WDR33: variants seen among roughly 807,000 people sequenced by gnomAD.
The protein encoded by WDR33 is pre-mRNA 3' end processing protein WDR33.
A neutral mutation model predicts 164.9 loss-of-function variants in WDR33; 47 were observed. That is an observed-to-expected ratio of 0.29 (90% CI 0.23 to 0.36). WDR33 has a LOEUF of 0.36. Ranked by LOEUF, WDR33 falls within the 10% of genes least tolerant of loss-of-function variation. The pLI is 1.00. For synonymous variants in WDR33, 505 were observed against 589.0 expected, an observed-to-expected ratio of 0.86 and a Z score of 2.06; for missense variants, 1,137 against 1,754.1, an observed-to-expected ratio of 0.65 and a Z score of 6.28.
At chr2:127,711,373 C>T (rs183229410) in intron 18 of WDR33, among the ~76,000 whole-genome samples, 1,671 of 145,536 alleles carry the variant, frequency 0.011, 13 homozygotes, top group Non-Finnish European at 0.016. Flanking sequence ...TGCAGTGAGC[C>T]GAGATCATGC....
chr2:127,763,232 A>G lies in WDR33; in HGVS notation c.627-73T>C. On this transcript the variant is annotated intron_variant, in intron 6 of 21. Coordinates refer to ENST00000322313, the MANE Select transcript of WDR33 (RefSeq NM_018383.5). This position sits in a 1 kb window ranked among gnomAD's most constrained non-coding sequence, Gnocchi z 4.5. ...GATAATCTGTGCTTCTCAGACAGGG[A>G]AAAATAAAAACACTGTGCTGCATTA... 1 of 1,608,580 alleles carries G rather than the reference A, an allele frequency of 6.2e-7. No individual in the cohort carries two copies. Among genetic ancestry groups the G allele is most frequent in the Middle Eastern group, 1.7e-4 (1 of 6,036 alleles).
chr2:127,742,699 C>T (rs1182849559), intron 7 of WDR33, among the ~76,000 whole-genome samples: 4 of 150,642 alleles, frequency 2.7e-5, no homozygotes, highest in Non-Finnish European at 5.9e-5. Flanking sequence ...CAGCTCCAAA[C>T]AGCCCAACAG....
chr2:127,706,159 A>G lies in WDR33; in HGVS notation c.*164T>C. 1 of 522,226 alleles carries G rather than the reference A, an allele frequency of 1.9e-6. No homozygotes were observed. The allele number at this position is 522,226 out of a possible 1,614,324, so 32.3% of individuals were successfully genotyped here. On this transcript the variant is annotated 3_prime_UTR_variant, in exon 22 of 22. Coordinates refer to ENST00000322313, the MANE Select transcript of WDR33 (RefSeq NM_018383.5). The surrounding 1 kb of genome is among the most constrained non-coding windows in gnomAD (Gnocchi z 5.1). ...GCCAGCCAGGCTGGTAGCTGGCAGC[A>G]GTCTCTTCATCTTGAAGACCTCATT... is the stretch of plus-strand genomic sequence containing the variant.
chr2:127,744,481 C>T (rs538602259), intron 7 of WDR33, among the ~76,000 whole-genome samples: 2 of 152,082 alleles, frequency 1.3e-5, no homozygotes, highest in East Asian at 1.9e-4. Context: ...AAAGAATATA[C>T]GTAGTATAAT....
rs530614781 is a variant in WDR33 at position 127,707,642 on chromosome 2, G to A, written c.3781+1035C>T. ...TGTTTATGCAGGGTGATCTATTGAT[G>A]ATACATAAGGTAATTTCTGAGGGTT... On this transcript the variant is annotated intron_variant, in intron 21 of 21. Coordinates refer to ENST00000322313, the MANE Select transcript of WDR33 (RefSeq NM_018383.5). 2.6e-5 allele frequency among the ~76,000 whole-genome samples: 4 copies of A among 152,310 alleles called. No homozygotes were observed. The East Asian group carries it at 7.7e-4, about 29-fold the overall frequency.
In WDR33 at chr2:127,735,458, C is replaced by T; in HGVS notation, c.725-8681G>A. On this transcript the variant is annotated intron_variant, in intron 7 of 21. Coordinates refer to ENST00000322313, the MANE Select transcript of WDR33 (RefSeq NM_018383.5). This position sits in a 1 kb window ranked among gnomAD's most constrained non-coding sequence, Gnocchi z 4.3. Reference sequence around the variant, plus strand: ...CCCATTTTATTTTTCCTGGATCAGACCATTTTATGAACAAATCTTAAAAAA... The same window carrying T: ...CCCATTTTATTTTTCCTGGATCAGATCATTTTATGAACAAATCTTAAAAAA... The T allele has an allele frequency of 1.2e-5, 12 of 984,794 alleles. No homozygotes were observed. The highest frequency in any genetic ancestry group is 1.4e-5 in the Non-Finnish European group (12 of 829,110). 61.0% of individuals were successfully genotyped at this position (984,794 alleles called of 1,614,324 possible).
At chr2:127,750,180 ACACC>A (rs1189102658) in intron 7 of WDR33, among the ~76,000 whole-genome samples, 1 of 152,060 alleles carries the variant, frequency 6.6e-6, no homozygotes, top group East Asian at 2.0e-4. Context: ...ACACGCCACC[ACACC>A]CAGTTAACTT....
chr2:127,725,864 A>C (rs962607621), intron 8 of WDR33, among the ~76,000 whole-genome samples: 5 of 152,176 alleles, frequency 3.3e-5, no homozygotes, highest in Non-Finnish European at 7.3e-5. Flanking sequence ...TATTCAATAA[A>C]GCTCATTACA....
At chr2:127,773,673 C>T (rs576400521) in intron 1 of WDR33, among the ~76,000 whole-genome samples, 3 of 152,312 alleles carry the variant, frequency 2.0e-5, no homozygotes, top group East Asian at 3.9e-4. Flanking sequence ...TCAGTTATTC[C>T]ATGAATCCAA....
In WDR33 at chr2:127,717,980, C is replaced by T. The variant is rs1686337687; in HGVS notation, c.2761-717G>A. ...TAAATAATATTATACACACATACAACTGAGCAGTAAATTAATAAAATATAT... is the reference window on the plus strand; with the variant it reads ...TAAATAATATTATACACACATACAATTGAGCAGTAAATTAATAAAATATAT... On this transcript the variant is annotated intron_variant, in intron 16 of 21. Coordinates refer to ENST00000322313, the MANE Select transcript of WDR33 (RefSeq NM_018383.5). This position sits in a 1 kb window ranked among gnomAD's most constrained non-coding sequence, Gnocchi z 5.6. 6.6e-6 allele frequency among the ~76,000 whole-genome samples: 1 copy of T among 152,046 alleles called. No individual in the cohort carries two copies. The highest frequency in any genetic ancestry group is 2.4e-5 in the African/African-American group (1 of 41,390).
intron 7 of WDR33, among the ~76,000 whole-genome samples, chr2:127,727,322 C>T (rs972535426): frequency 6.6e-6 from 1 of 152,156 alleles, no homozygotes; most frequent in Non-Finnish European, 1.5e-5. Flanking sequence ...GCTTGATTCG[C>T]ACATGTTGTG....
chr2:127,726,287 A>G lies in WDR33; in HGVS notation c.851+364T>C, dbSNP rs1189274808. ...ACCCTCTCGAAACAGATGTTGTGAG[A>G]TGGAGAAGGCTGGGCCGTGTCTAGT... is the stretch of plus-strand genomic sequence containing the variant. On this transcript the variant is annotated intron_variant, in intron 8 of 21. Transcript: ENST00000322313. The surrounding 1 kb of genome is among the most constrained non-coding windows in gnomAD (Gnocchi z 4.8). Among the ~76,000 whole-genome samples the G allele has an allele frequency of 6.6e-6, 1 of 152,214 alleles. No homozygotes were observed. Among genetic ancestry groups the G allele is most frequent in the Non-Finnish European group, 1.5e-5 (1 of 68,026 alleles).
chr2:127,750,698 A>ATC (rs1558936919), intron 7 of WDR33, among the ~76,000 whole-genome samples: 1 of 60,308 alleles, frequency 1.7e-5, no homozygotes, highest in African/African-American at 9.8e-5. Context: ...ATATATATAT[A>ATC]TATATATATA....
At chr2:127,742,487 G>A (rs1005023096) in intron 7 of WDR33, among the ~76,000 whole-genome samples, 69 of 143,404 alleles carry the variant, frequency 4.8e-4, no homozygotes, top group African/African-American at 1.5e-3. Flanking sequence ...TGATTGCACC[G>A]CTGCACTCCA....
At position 127,722,660 on chromosome 2, in the gene WDR33, T is replaced by C. The variant is rs774862163; in HGVS notation, c.1449A>G (p.Gln483=). ...TCTGAGGTACTTTTTTCTGATCCTT[T>C]TGCATCACTTCCTCCATTCCCCAAT... ...GLDWGMEEVM[Q]KDQKKVPQKK... The change falls in exon 14 of 22, where the codon CAA becomes CAG. Residue 483 remains glutamine, a synonymous_variant. Transcript: ENST00000322313. The surrounding 1 kb of genome is among the most constrained non-coding windows in gnomAD (Gnocchi z 5.1). 1.2e-6 allele frequency: 2 copies of C among 1,614,180 alleles called. No homozygotes were observed. The highest frequency in any genetic ancestry group is 2.2e-5 in the South Asian group (2 of 91,074).
At chr2:127,736,040 G>C in intron 7 of WDR33, 5 of 985,502 alleles carry the variant, frequency 5.1e-6, no homozygotes, top group Non-Finnish European at 6.0e-6. Context: ...GGGTCCGGCA[G>C]TCAGGTAAGT....
chr2:127,720,249 A>G lies in WDR33; in HGVS notation c.1776T>C (p.Gly592=), dbSNP rs769312514. 1 of 1,570,180 alleles carries G rather than the reference A, an allele frequency of 6.4e-7. No homozygotes were observed. The highest frequency in any genetic ancestry group is 8.6e-7 in the Non-Finnish European group (1 of 1,157,514). Residue 592 remains glycine, a synonymous_variant, in exon 16 of 22, where the codon GGT becomes GGC. Transcript: ENST00000322313. This position sits in a 1 kb window ranked among gnomAD's most constrained non-coding sequence, Gnocchi z 5.9. ...AACCTTGAGGAATCTGAGACATTGG[A>G]CCTTGTCCTGGAAAAGGCTGGGGTC... ...LLGPQPFPGQ[G]PMSQIPQGFQ...
In WDR33 at chr2:127,702,009, C is replaced by T; in HGVS notation, c.*4314G>A. ...GCTGGGCGCCACGCTGTTCGCCGCG[C>T]TGGGCCTTCGCAGCACGCTGCTCAC... On this transcript the variant is annotated 3_prime_UTR_variant, in exon 22 of 22. Transcript: ENST00000322313. The T allele has an allele frequency of 1.5e-6, 2 of 1,309,448 alleles. No individual in the cohort carries two copies. Among genetic ancestry groups the T allele is most frequent in the Non-Finnish European group, 1.9e-6 (2 of 1,032,250 alleles). 81.1% of individuals were successfully genotyped at this position (1,309,448 alleles called of 1,614,324 possible). A position where few individuals can be genotyped will look rare whatever the true frequency, so the allele number is the denominator to read the frequency against.
chr2:127,733,121 T>G (rs1259415886), intron 7 of WDR33, among the ~76,000 whole-genome samples: 1 of 152,118 alleles, frequency 6.6e-6, no homozygotes, highest in Non-Finnish European at 1.5e-5. Context: ...GGCTAAAGAT[T>G]TTAGTACTGA....
Sources: gnomAD v4.1 joint callset for allele counts (sites outside exome capture counted in the v4.1 genomes callset) on GRCh38, gnomAD v4.1.1 for gene constraint, Gnocchi (gnomAD v3.1) non-coding constraint, MANE v1.5 for transcripts, NCBI Gene and HGNC (gene_info 2026-07-23, HGNC 2026-07-21) for gene names.